SMARCAL1: variants seen among roughly 807,000 people sequenced by gnomAD.
SMARCAL1 encodes the protein ATP-driven annealing helicase.
Under a neutral mutation model 94.5 loss-of-function variants are expected in SMARCAL1, and 58 were observed. The observed-to-expected ratio is 0.61, with a 90% CI of 0.50 to 0.76. The LOEUF is 0.76. Ranked by LOEUF, SMARCAL1 falls within the 30% of genes least tolerant of loss-of-function variation. SMARCAL1 has a pLI of 0.00. For synonymous variants in SMARCAL1, 422 were observed against 455.1 expected, an observed-to-expected ratio of 0.93 and a Z score of 0.93; for missense variants, 1,051 against 1,177.9, an observed-to-expected ratio of 0.89 and a Z score of 1.58.
At chr2:216,427,326 TG>T (rs1239214904) in intron 6 of SMARCAL1, 2 of 152,324 alleles carry the variant, frequency 1.3e-5, no homozygotes, top group Middle Eastern at 3.4e-3. Context: ...AGACAGTAGT[TG>T]GTAGGAGACA....
In SMARCAL1 at chr2:216,477,185, A is replaced by G; in HGVS notation, c.2504A>G (p.Lys835Arg). ...GTGGGCATTCACTACCTCGTGGCAA[A>G]GGGCACAGCTGATGACTACCTTTGG... ...SSVGIHYLVA[K>R]GTADDYLWPL... Residue 835 changes from lysine to arginine, a missense_variant, in exon 16 of 18, where the codon AAG becomes AGG. Transcript: ENST00000357276. 4 of 1,597,640 alleles carry G rather than the reference A, an allele frequency of 2.5e-6. No homozygotes were observed. The highest frequency in any genetic ancestry group is 3.4e-6 in the Non-Finnish European group (4 of 1,172,054).
At chr2:216,457,810 G>A (rs1011863098) in intron 12 of SMARCAL1, among the ~76,000 whole-genome samples, 1 of 152,158 alleles carries the variant, frequency 6.6e-6, no homozygotes, top group Non-Finnish European at 1.5e-5. Flanking sequence ...TCAAAAGACA[G>A]CAGAAGGCAA....
Position 216,420,371 on chromosome 2 carries a change from C to G in SMARCAL1, c.935C>G (p.Pro312Arg). The G allele has an allele frequency of 6.2e-7, 1 of 1,614,208 alleles. No homozygotes were observed. The highest frequency in any genetic ancestry group is 8.5e-7 in the Non-Finnish European group (1 of 1,180,046). ...TGGGCCTATGGCAGCAGCGAGTCACCCTCCACCAGCAGTGAGGGACAGGCC... is the reference window on the plus strand; with the variant it reads ...TGGGCCTATGGCAGCAGCGAGTCACGCTCCACCAGCAGTGAGGGACAGGCC... ...LEWAYGSSES[P>R]STSSEGQAGL... Residue 312 changes from proline to arginine, a missense_variant, in exon 5 of 18, where the codon CCC becomes CGC. Physicochemically the swap from Pro to Arg is moderately radical, Grantham distance 103. Around this residue, in one of 3 missense-constraint regions of SMARCAL1, gnomAD observed 398 missense variants for 395.2 expected, o/e 1.01. Coordinates refer to ENST00000357276, the MANE Select transcript of SMARCAL1 (RefSeq NM_014140.4).
chr2:216,413,166 T>C (rs1574441572), intron 1 of SMARCAL1, among the ~76,000 whole-genome samples: 1 of 131,300 alleles, frequency 7.6e-6, no homozygotes, highest in South Asian at 2.9e-4. Flanking sequence ...GGGAGGGGGG[T>C]TGGGTTCTGG....
chr2:216,421,084 G>C (rs1218554420), intron 5 of SMARCAL1, among the ~76,000 whole-genome samples: 1 of 152,114 alleles, frequency 6.6e-6, no homozygotes, highest in Non-Finnish European at 1.5e-5. Context: ...GAAAATGCTG[G>C]TGGTTCTGCT....
At chr2:216,455,743 A>ATT (rs1310063161) in intron 12 of SMARCAL1, among the ~76,000 whole-genome samples, 2 of 152,220 alleles carry the variant, frequency 1.3e-5, no homozygotes, top group Non-Finnish European at 2.9e-5. Context: ...AACCACAAAG[A>ATT]TGGGGAAAAA....
intron 12 of SMARCAL1, among the ~76,000 whole-genome samples, chr2:216,453,708 C>T (rs1269761434): frequency 6.6e-6 from 1 of 152,212 alleles, no homozygotes; most frequent in African/African-American, 2.4e-5. Context: ...TCCCCTCTCT[C>T]CACTGCCACC....
rs762741200 is a variant in SMARCAL1, at chr2:216,482,852, A to G, written c.2740A>G (p.Thr914Ala). ...CTTTGACCCAGGAAGTGCTTCAGGAACATCTGGAAGTAGTTCCCAGAACAT... is the reference window on the plus strand; with the variant it reads ...CTTTGACCCAGGAAGTGCTTCAGGAGCATCTGGAAGTAGTTCCCAGAACAT... The part of the protein sequence containing the change: ...ESFDPGSASG[T>A]SGSSSQNMGD... The change falls in exon 18 of 18, where the codon ACA (threonine) becomes GCA (alanine). Residue 914 changes from threonine to alanine, a missense_variant. By Grantham distance (58) the Thr-to-Ala change is moderately conservative. Coordinates refer to ENST00000357276, the MANE Select transcript of SMARCAL1 (RefSeq NM_014140.4). The surrounding 1 kb of genome is among the most constrained non-coding windows in gnomAD (Gnocchi z 4.3). 4 of 1,614,126 alleles carry G rather than the reference A, an allele frequency of 2.5e-6. No homozygotes were observed. The highest frequency in any genetic ancestry group is 3.4e-6 in the Non-Finnish European group (4 of 1,180,050).
Position 216,482,857 on chromosome 2 carries a change from T to C in SMARCAL1, c.2745T>C (p.Ser915=), listed in dbSNP as rs886044051. The change falls in exon 18 of 18, where the codon TCT becomes TCC. Residue 915 remains serine (S), a synonymous_variant. Coordinates refer to ENST00000357276, the MANE Select transcript of SMARCAL1 (RefSeq NM_014140.4). This position sits in a 1 kb window ranked among gnomAD's most constrained non-coding sequence, Gnocchi z 4.3. ...ACCCAGGAAGTGCTTCAGGAACATC[T>C]GGAAGTAGTTCCCAGAACATGGGAG... ...SFDPGSASGT[S]GSSSQNMGDT... The C allele has an allele frequency of 1.2e-6, 2 of 1,614,208 alleles. No homozygotes were observed. Among genetic ancestry groups the C allele is most frequent in the Non-Finnish European group, 1.7e-6 (2 of 1,180,042 alleles).
At chr2:216,437,744 G>A (rs1350468693) in intron 9 of SMARCAL1, among the ~76,000 whole-genome samples, 1 of 150,844 alleles carries the variant, frequency 6.6e-6, no homozygotes, top group Non-Finnish European at 1.5e-5. Flanking sequence ...CTCTATATTT[G>A]CTTATGCAAC....
At chr2:216,465,154 A>G (rs1038449448) in intron 13 of SMARCAL1, among the ~76,000 whole-genome samples, 5 of 152,212 alleles carry the variant, frequency 3.3e-5, no homozygotes, top group African/African-American at 1.2e-4. Context: ...GTCTCAAGGG[A>G]AAAATGAAAA....
At position 216,415,113 on chromosome 2, in the gene SMARCAL1, CA is replaced by C; in HGVS notation, c.410del (p.Gln137ArgfsTer3). The C allele has an allele frequency of 6.2e-7, 1 of 1,613,844 alleles. No homozygotes were observed. On this transcript the variant is annotated frameshift_variant, in exon 3 of 18. Coordinates refer to ENST00000357276, the MANE Select transcript of SMARCAL1 (RefSeq NM_014140.4). LOFTEE classifies it high-confidence loss of function. ...AQSPPEVPKQ[Q>X]LLSYELGQGH... ...AAGTCCTCCAGAGGTCCCTAAACAA[CA>C]GCTCTTGAGTTATGAGTTAGGTCAA... is the stretch of plus-strand genomic sequence containing the variant.
At chr2:216,460,476 C>T (rs1244455626) in intron 12 of SMARCAL1, among the ~76,000 whole-genome samples, 1 of 152,042 alleles carries the variant, frequency 6.6e-6, no homozygotes, top group Non-Finnish European at 1.5e-5. Flanking sequence ...GAAAATGTGG[C>T]ACATATACAC....
intron 10 of SMARCAL1, among the ~76,000 whole-genome samples, chr2:216,439,178 G>C (rs756522443): frequency 1.3e-5 from 2 of 152,088 alleles, no homozygotes; most frequent in Non-Finnish European, 2.9e-5. Context: ...CAGCAAGCAG[G>C]CGTGGGTATG....
At chr2:216,477,982 A>G (rs1695125017) in intron 16 of SMARCAL1, among the ~76,000 whole-genome samples, 1 of 152,176 alleles carries the variant, frequency 6.6e-6, no homozygotes, top group African/African-American at 2.4e-5. Context: ...CTTCCATTAG[A>G]AAGAATATTG....
intron 10 of SMARCAL1, among the ~76,000 whole-genome samples, chr2:216,440,174 C>A (rs1694167524): frequency 2.0e-5 from 3 of 152,070 alleles, no homozygotes; most frequent in African/African-American, 7.2e-5. Context: ...TTTTGGGAGG[C>A]CTTAATATGC....
chr2:216,464,795 C>A, intron 13 of SMARCAL1, 128 bp downstream of exon 13: 2 of 756,898 alleles, frequency 2.6e-6, no homozygotes, highest in East Asian at 2.5e-5. Context: ...TTAAATGTGC[C>A]TTTTGTTGAG....
Position 216,482,657 on chromosome 2 carries a change from T to A in SMARCAL1, c.2626-81T>A. The A allele has an allele frequency of 6.3e-7, 1 of 1,589,412 alleles. No individual in the cohort carries two copies. Among genetic ancestry groups the A allele is most frequent in the Non-Finnish European group, 8.6e-7 (1 of 1,158,578 alleles). On this transcript the variant is annotated intron_variant, in intron 17 of 17. Transcript: ENST00000357276. The surrounding 1 kb of genome is among the most constrained non-coding windows in gnomAD (Gnocchi z 4.3). ...TGTGTGGTCTCTCATCTTTATATTC[T>A]CTCATCAGCCCTAGTGGAGGAGAGT...
Position 216,478,215 on chromosome 2 carries a change from A to G in SMARCAL1, c.2541A>G (p.Gln847=). 1.9e-6 allele frequency: 3 copies of G among 1,614,122 alleles called. No individual in the cohort carries two copies. Among genetic ancestry groups the G allele is most frequent in the Non-Finnish European group, 2.5e-6 (3 of 1,179,962 alleles). ...TADDYLWPLI[Q]EKIKVLAEAG... Reference sequence around the variant, plus strand: ...TTCTCCCCAACAGGCCCCTGATTCAAGAGAAGATTAAAGTTCTGGCAGAAG... The same window carrying G: ...TTCTCCCCAACAGGCCCCTGATTCAGGAGAAGATTAAAGTTCTGGCAGAAG... Residue 847 remains glutamine, a synonymous_variant, in exon 17 of 18, where the codon CAA becomes CAG. Transcript: ENST00000357276.
Sources: allele counts gnomAD v4.1 joint callset (sites outside exome capture counted in the v4.1 genomes callset), GRCh38; gene constraint gnomAD v4.1.1; regional missense constraint gnomAD v4.1.1; non-coding constraint Gnocchi (gnomAD v3.1); transcripts MANE v1.5; gene names NCBI Gene and HGNC (gene_info 2026-07-23, HGNC 2026-07-21).